The following GNG12 variants were observed in gnomAD, a reference collection of about 807,000 sequenced individuals.
The protein encoded by GNG12 is guanine nucleotide-binding protein G(I)/G(S)/G(O) subunit gamma-12.
For missense variants in GNG12, 69 were observed against 83.8 expected, an observed-to-expected ratio of 0.82 and a Z score of 0.69; for synonymous variants, 28 against 29.7, an observed-to-expected ratio of 0.94 and a Z score of 0.19.
In GNG12 at chr1:67,709,904, TTATATAGTTATA is replaced by T. The variant is rs1168565169; in HGVS notation, c.-26-2204_-26-2193del. On this transcript the variant is annotated intron_variant, in intron 2 of 3. Coordinates refer to ENST00000370982, the MANE Select transcript of GNG12 (RefSeq NM_018841.6). ...TATATATATAGTTATATATATATTT[TTATATAGTTATA>T]TATATAGTTATATATATAGTTATAT... Among the ~76,000 whole-genome samples, 61 of 66,648 alleles carry T rather than the reference TTATATAGTTATA, an allele frequency of 9.2e-4. 1 individual carries two copies. The highest frequency in any genetic ancestry group is 1.1e-3 in the Non-Finnish European group (42 of 37,334). 43.7% of individuals were successfully genotyped at this position (66,648 alleles called of 152,430 possible). A position where few individuals can be genotyped will look rare whatever the true frequency, so the allele number is the denominator to read the frequency against.
intron 1 of GNG12, among the ~76,000 whole-genome samples, chr1:67,813,715 T>C (rs1646938833): frequency 1.3e-5 from 2 of 152,120 alleles, no homozygotes; most frequent in African/African-American, 4.8e-5. Flanking sequence ...CTCAAATCAC[T>C]GAGCTAAACA....
intron 2 of GNG12, among the ~76,000 whole-genome samples, chr1:67,730,553 A>G (rs1352890873): frequency 6.6e-6 from 1 of 152,060 alleles, no homozygotes; most frequent in Non-Finnish European, 1.5e-5. Context: ...TACATACCAT[A>G]TAAGTCTATT....
intron 1 of GNG12, among the ~76,000 whole-genome samples, chr1:67,783,600 A>G (rs1646750435): frequency 6.6e-6 from 1 of 152,146 alleles, no homozygotes; most frequent in Non-Finnish European, 1.5e-5. Flanking sequence ...CAGAATCTAC[A>G]ATGAACTCAA....
At chr1:67,783,472 T>C (rs567588869) in intron 1 of GNG12, among the ~76,000 whole-genome samples, 3 of 152,294 alleles carry the variant, frequency 2.0e-5, no homozygotes, top group East Asian at 3.9e-4. Flanking sequence ...ATACATAAAA[T>C]AGTATTAAGA....
chr1:67,815,176 T>C (rs1294230780), intron 1 of GNG12, among the ~76,000 whole-genome samples: 1 of 152,232 alleles, frequency 6.6e-6, no homozygotes, highest in African/African-American at 2.4e-5. Flanking sequence ...ATGGTATTTG[T>C]ATCCAGGAAA....
chr1:67,780,507 C>T (rs1646731592), intron 1 of GNG12, among the ~76,000 whole-genome samples: 1 of 152,166 alleles, frequency 6.6e-6, no homozygotes, highest in African/African-American at 2.4e-5. Context: ...TCATTTTTGT[C>T]TCTCCAGGAC....
At chr1:67,761,953 G>A (rs1646607974) in intron 2 of GNG12, among the ~76,000 whole-genome samples, 2 of 152,144 alleles carry the variant, frequency 1.3e-5, no homozygotes, top group Non-Finnish European at 2.9e-5. Flanking sequence ...CCACACCCAG[G>A]AAAGCAGACC....
At chr1:67,794,487 G>A (rs1646818630) in intron 1 of GNG12, among the ~76,000 whole-genome samples, 1 of 152,142 alleles carries the variant, frequency 6.6e-6, no homozygotes, top group African/African-American at 2.4e-5. Flanking sequence ...GAGAAAGCAT[G>A]TCTCAATTTA....
chr1:67,738,133 C>T (rs947712175), intron 2 of GNG12, among the ~76,000 whole-genome samples: 4 of 151,930 alleles, frequency 2.6e-5, no homozygotes, highest in African/African-American at 4.8e-5. Context: ...TATGGGGTTT[C>T]GTCATGTTGC....
intron 1 of GNG12, among the ~76,000 whole-genome samples, chr1:67,801,960 T>G (rs1269861962): frequency 9.1e-4 from 118 of 129,958 alleles, no homozygotes; most frequent in African/African-American, 1.5e-3. Context: ...GGAAGGGGGG[T>G]GAGGAAGAAA....
chr1:67,715,205 C>G (rs1054431301), intron 2 of GNG12, among the ~76,000 whole-genome samples: 4 of 152,234 alleles, frequency 2.6e-5, no homozygotes, highest in African/African-American at 7.2e-5. Context: ...GCGTGAGCCA[C>G]TGTGCCTGGC....
intron 1 of GNG12, among the ~76,000 whole-genome samples, chr1:67,814,038 GC>G (rs1003869276): frequency 6.6e-6 from 1 of 152,144 alleles, no homozygotes; most frequent in African/African-American, 2.4e-5. Context: ...AAGTGTCAGA[GC>G]TGGGATTTAA....
At chr1:67,804,270 G>A (rs1646882537) in intron 1 of GNG12, among the ~76,000 whole-genome samples, 1 of 152,140 alleles carries the variant, frequency 6.6e-6, no homozygotes, top group Admixed American at 6.5e-5. Context: ...ACTTCCCACT[G>A]ACCCTAGACT....
intron 1 of GNG12, among the ~76,000 whole-genome samples, chr1:67,816,425 C>A (rs1379418597): frequency 6.6e-6 from 1 of 152,198 alleles, no homozygotes; most frequent in Non-Finnish European, 1.5e-5. Context: ...GATATGCGTG[C>A]AAGGGCTTTC....
At chr1:67,820,484 G>A (rs1205540102) in intron 1 of GNG12, among the ~76,000 whole-genome samples, 3 of 151,982 alleles carry the variant, frequency 2.0e-5, no homozygotes, top group African/African-American at 7.2e-5. Context: ...ATCCAAGTAC[G>A]AGAGAGACAA....
At chr1:67,832,525 A>C (rs1295085286) in intron 1 of GNG12, 1 of 152,148 alleles carries the variant, frequency 6.6e-6, no homozygotes, top group African/African-American at 2.4e-5. Context: ...ACAGCGTTTT[A>C]AAGTTAGCTT....
chr1:67,725,266 G>T (rs1189755194), intron 2 of GNG12, among the ~76,000 whole-genome samples: 4 of 152,172 alleles, frequency 2.6e-5, no homozygotes. Flanking sequence ...GCCAAAAAAT[G>T]CAAAATAGGA....
At chr1:67,792,072 G>A (rs1026873445) in intron 1 of GNG12, among the ~76,000 whole-genome samples, 3 of 152,110 alleles carry the variant, frequency 2.0e-5, no homozygotes, top group African/African-American at 4.8e-5. Flanking sequence ...TGGGTCAAGC[G>A]TTATCTCCTC....
Position 67,829,190 on chromosome 1 carries a change from A to C in GNG12, c.-77+4154T>G, listed in dbSNP as rs577848225. Reference sequence around the variant, plus strand: ...TCTAGGCTTTTCTTATGGTTTAAAAATAATTTTTAAGCTAGCTGTAATTGT... The same window carrying C: ...TCTAGGCTTTTCTTATGGTTTAAAACTAATTTTTAAGCTAGCTGTAATTGT... On this transcript the variant is annotated intron_variant, in intron 1 of 3. Transcript: ENST00000370982. Among the ~76,000 whole-genome samples the C allele has an allele frequency of 2.1e-3, 317 of 152,368 alleles. 2 individuals are homozygous for C. Among genetic ancestry groups the C allele is most frequent in the African/African-American group, 7.5e-3 (313 of 41,578 alleles).
Sources: gnomAD v4.1 joint callset for allele counts (sites outside exome capture counted in the v4.1 genomes callset) on GRCh38, gnomAD v4.1.1 for gene constraint, MANE v1.5 for transcripts, NCBI Gene and HGNC (gene_info 2026-07-23, HGNC 2026-07-21) for gene names.